Variants in GLI3 observed in about 807,000 individuals in gnomAD.
GLI3 encodes the protein transcription activator GLI3.
GLI3 carries 20 observed loss-of-function variants against 100.8 expected under a neutral mutation model. The observed-to-expected ratio is 0.20, with a 90% CI of 0.14 to 0.29. GLI3 has a LOEUF of 0.29. Ranked by LOEUF, GLI3 falls within the 10% of genes least tolerant of loss-of-function variation. GLI3 has a pLI of 1.00. For synonymous variants in GLI3, 938 were observed against 860.5 expected (o/e 1.09, Z -1.58); for missense variants, 2,040 against 2,128.5 (o/e 0.96, Z 0.82).
At chr7:42,222,369 C>G (rs1250804450) in intron 2 of GLI3, among the ~76,000 whole-genome samples, 1 of 152,128 alleles carries the variant, frequency 6.6e-6, no homozygotes, top group African/African-American at 2.4e-5. Context: ...CCAAGAATGG[C>G]TATGAAATCT....
intron 13 of GLI3, among the ~76,000 whole-genome samples, chr7:41,968,713 GAAGAAAGAAAGAAAGAAAGAAAGA>G (rs1231824406): frequency 4.3e-5 from 4 of 93,896 alleles, no homozygotes; most frequent in African/African-American, 1.7e-4. Flanking sequence ...AAGAAAGAAA[GAAGAAAGAAAGAAAGAAAGAAAGA>G]AAGAAAGAAA....
intron 2 of GLI3, among the ~76,000 whole-genome samples, chr7:42,182,654 A>ATATATATATACATGTGTG (rs1787620028): frequency 9.2e-5 from 5 of 54,500 alleles, no homozygotes; most frequent in African/African-American, 4.4e-4. Flanking sequence ...GTATATATAT[A>ATATATATATACATGTGTG]TATATATATA....
chr7:42,183,822 C>A (rs903404265), intron 2 of GLI3, among the ~76,000 whole-genome samples: 2 of 152,192 alleles, frequency 1.3e-5, no homozygotes, highest in African/African-American at 2.4e-5. Flanking sequence ...CCGGACTCAG[C>A]CAAGCTGCAG....
chr7:42,262,951 CTTT>C (rs11299942), intron 1 of GLI3, among the ~76,000 whole-genome samples: 1 of 147,646 alleles, frequency 6.8e-6, no homozygotes. Flanking sequence ...AATATCTGCA[CTTT>C]TTTTTTTTTT....
intron 12 of GLI3, among the ~76,000 whole-genome samples, chr7:41,973,810 A>C (rs114501312): frequency 0.017 from 2,662 of 152,292 alleles, 73 homozygotes; most frequent in African/African-American, 0.061. Flanking sequence ...TGAAGCAAAG[A>C]TCCTGAAACT....
At position 42,076,674 on chromosome 7, in the gene GLI3, C is replaced by T. The variant is rs1209428104; in HGVS notation, c.473+78G>A. 3.4e-6 allele frequency: 3 copies of T among 874,990 alleles called. No homozygotes were observed. The Admixed American group carries it at 5.1e-5, about 15-fold the overall frequency. The allele number at this position is 874,990 out of a possible 1,614,324, so 54.2% of individuals were successfully genotyped here. A position where few individuals can be genotyped will look rare whatever the true frequency, so the allele number is the denominator to read the frequency against. On this transcript the variant is annotated intron_variant, in intron 4 of 14. Coordinates refer to ENST00000395925, the MANE Select transcript of GLI3 (RefSeq NM_000168.6). ...ACATCTTCAAAGCCCAGTGGACATG[C>T]CATTAACAAAAAGTCCTGAGATGGT...
chr7:42,230,724 A>G (rs1788681254), intron 1 of GLI3, among the ~76,000 whole-genome samples: 1 of 152,198 alleles, frequency 6.6e-6, no homozygotes, highest in Non-Finnish European at 1.5e-5. Flanking sequence ...ACCATTTCTC[A>G]GTTCTGTAAA....
At chr7:42,145,050 T>G (rs1200340362) in intron 3 of GLI3, among the ~76,000 whole-genome samples, 1 of 152,242 alleles carries the variant, frequency 6.6e-6, no homozygotes, top group African/African-American at 2.4e-5. Context: ...TGTCTCATTT[T>G]AAAAAGAGGG....
In GLI3 at chr7:41,977,711, G is replaced by A. The variant is rs532041527; in HGVS notation, c.1659C>T (p.Cys553=). ...EKPHKCTFEG[C]TKAYSRLENL... is the part of the protein sequence containing the mutation. ...TTTCTAGTCTCGAGTAGGCCTTTGT[G>A]CAACCTTCAAACTGAGGACAACAGG... Residue 553 remains cysteine (C), a synonymous_variant, in exon 12 of 15, where the codon TGC becomes TGT. Transcript: ENST00000395925. 19 of 1,613,908 alleles carry A rather than the reference G, an allele frequency of 1.2e-5. No individual in the cohort carries two copies. The South Asian group carries it at 1.5e-4, about 13-fold the overall frequency.
chr7:42,251,134 C>A (rs1167757717), intron 1 of GLI3, among the ~76,000 whole-genome samples: 2 of 152,186 alleles, frequency 1.3e-5, no homozygotes, highest in East Asian at 1.9e-4. Flanking sequence ...TGTCCTGGGG[C>A]AACACTGGGC....
rs1465405435 is a variant in GLI3 at position 42,148,342 on chromosome 7, G to A, written c.251C>T (p.Ser84Leu). 2 of 1,613,862 alleles carry A rather than the reference G, an allele frequency of 1.2e-6. No individual in the cohort carries two copies. Among genetic ancestry groups the A allele is most frequent in the East Asian group, 4.5e-5 (2 of 44,876 alleles). ...EPSTSSDERA[S>L]LIKKEIHGSL... Reference sequence around the variant, plus strand: ...CCCATGGATCTCTTTCTTGATCAATGAGGCCCTCTCGTCACTCGATGTTGA... The same window carrying A: ...CCCATGGATCTCTTTCTTGATCAATAAGGCCCTCTCGTCACTCGATGTTGA... The change falls in exon 3 of 15, where the codon TCA becomes TTA. Residue 84 changes from serine to leucine, a missense_variant. Physicochemically the swap from Ser to Leu is moderately radical, Grantham distance 145. This residue lies in a region of GLI3 where 603 missense variants were observed against 690.9 expected (regional missense o/e 0.87). Coordinates refer to ENST00000395925, the MANE Select transcript of GLI3 (RefSeq NM_000168.6).
At chr7:42,055,060 T>C (rs544394796) in intron 4 of GLI3, among the ~76,000 whole-genome samples, 2 of 143,830 alleles carry the variant, frequency 1.4e-5, no homozygotes, top group African/African-American at 5.3e-5. Context: ...TACACACACA[T>C]ATATGTATAC....
At position 42,176,551 on chromosome 7, in the gene GLI3, G is replaced by A. The variant is rs1359794397; in HGVS notation, c.125-28083C>T. ...AAGCCCATGGCTTGCACAAATAGCGGGATTGCCAACCCCAGTCTGAACTCT... is the reference window on the plus strand; with the variant it reads ...AAGCCCATGGCTTGCACAAATAGCGAGATTGCCAACCCCAGTCTGAACTCT... On this transcript the variant is annotated intron_variant, in intron 2 of 14. Transcript: ENST00000395925. 2.0e-5 allele frequency among the ~76,000 whole-genome samples: 3 copies of A among 152,174 alleles called. 1 individual carries two copies. Among genetic ancestry groups the A allele is most frequent in the Admixed American group, 1.3e-4 (2 of 15,270 alleles).
At chr7:42,255,123 G>A (rs527928282) in intron 1 of GLI3, among the ~76,000 whole-genome samples, 1 of 146,334 alleles carries the variant, frequency 6.8e-6, no homozygotes, top group African/African-American at 2.6e-5. Context: ...AGTTTGGAAC[G>A]CTATTTTTTT....
At chr7:42,239,596 A>C (rs970232620), upstream of GLI3, among the ~76,000 whole-genome samples, 1 of 152,230 alleles carries the variant, frequency 6.6e-6, no homozygotes, top group Non-Finnish European at 1.5e-5. Context: ...GACAGCCAAT[A>C]AATCATCAAA....
At chr7:42,172,994 C>T (rs1156776597) in intron 2 of GLI3, among the ~76,000 whole-genome samples, 1 of 152,314 alleles carries the variant, frequency 6.6e-6, no homozygotes, top group East Asian at 1.9e-4. Flanking sequence ...AAGTCCAGTG[C>T]CCTTACCCGG....
chr7:42,102,407 G>A (rs181300287), intron 3 of GLI3, among the ~76,000 whole-genome samples: 279 of 152,286 alleles, frequency 1.8e-3, no homozygotes, highest in Non-Finnish European at 3.0e-3. Context: ...AGACTCTCAC[G>A]CCTGCTTCCT....
At chr7:42,064,976 C>G (rs1784645451) in intron 4 of GLI3, among the ~76,000 whole-genome samples, 1 of 151,982 alleles carries the variant, frequency 6.6e-6, no homozygotes, top group African/African-American at 2.4e-5. Flanking sequence ...TCGTTCAAGC[C>G]AGGCCCAGCA....
intron 13 of GLI3, 113 bp from the exon 14 acceptor site, chr7:41,968,036 TG>T: frequency 1.1e-6 from 1 of 915,126 alleles, no homozygotes; most frequent in Non-Finnish European, 1.8e-6. Flanking sequence ...GTTGGTTGAA[TG>T]AGAAGAAAAA....
Sources: gnomAD v4.1 joint callset for allele counts (sites outside exome capture counted in the v4.1 genomes callset) on GRCh38, gnomAD v4.1.1 for gene constraint, gnomAD v4.1.1 regional missense constraint, MANE v1.5 for transcripts, NCBI Gene and HGNC (gene_info 2026-07-23, HGNC 2026-07-21) for gene names.